Variants in MEI4 observed in about 807,000 individuals in gnomAD.
MEI4 encodes meiotic double-stranded break formation protein 4.
Under a neutral mutation model 31.4 loss-of-function variants are expected in MEI4, and 27 were observed. That is an observed-to-expected ratio of 0.86 (90% CI 0.63 to 1.19). MEI4 has a LOEUF of 1.19. MEI4 is among the 50% of genes most tolerant of loss of function. MEI4 has a pLI of 0.00. For missense variants in MEI4, 329 were observed against 398.9 expected (o/e 0.82, Z 1.49); for synonymous variants, 122 against 145.4 (o/e 0.84, Z 1.16).
intron 3 of MEI4, among the ~76,000 whole-genome samples, chr6:77,825,712 C>G (rs1194517758): frequency 6.6e-6 from 1 of 152,152 alleles, no homozygotes; most frequent in East Asian, 1.9e-4. Flanking sequence ...ATATATGTCT[C>G]TATTGCATTT....
At chr6:77,804,161 C>T (rs952903708) in intron 3 of MEI4, among the ~76,000 whole-genome samples, 10 of 152,186 alleles carry the variant, frequency 6.6e-5, no homozygotes, top group Non-Finnish European at 1.5e-4. Context: ...CTACTCAAGC[C>T]TCAGCAATGG....
At chr6:77,773,020 A>G (rs1377480773) in intron 3 of MEI4, among the ~76,000 whole-genome samples, 1 of 152,028 alleles carries the variant, frequency 6.6e-6, no homozygotes, top group East Asian at 1.9e-4. Flanking sequence ...ACTGTAAAAC[A>G]CTGATGAAAG....
chr6:77,803,605 A>T (rs1769339317), intron 3 of MEI4, among the ~76,000 whole-genome samples: 1 of 151,992 alleles, frequency 6.6e-6, no homozygotes, highest in Non-Finnish European at 1.5e-5. Flanking sequence ...TTGTGGTTTT[A>T]TCTACCTTTG....
intron 3 of MEI4, among the ~76,000 whole-genome samples, chr6:77,768,968 A>T (rs934203495): frequency 6.6e-6 from 1 of 152,116 alleles, no homozygotes; most frequent in African/African-American, 2.4e-5. Flanking sequence ...GAATTGCTGT[A>T]CCCCCTTTGC....
chr6:77,725,214 CTGAGA>C (rs1328063669), intron 2 of MEI4, among the ~76,000 whole-genome samples: 4 of 77,434 alleles, frequency 5.2e-5, no homozygotes, highest in African/African-American at 2.0e-4. Context: ...TTTAATAAAG[CTGAGA>C]TAAGAGGCAT....
intron 3 of MEI4, among the ~76,000 whole-genome samples, chr6:77,804,296 G>A (rs187385526): frequency 1.4e-4 from 22 of 152,280 alleles, no homozygotes; most frequent in Non-Finnish European, 2.1e-4. Flanking sequence ...TGCTAAGACC[G>A]TTGGAAGAGC....
At chr6:77,669,476 A>G (rs1355177718) in intron 1 of MEI4, among the ~76,000 whole-genome samples, 1 of 152,210 alleles carries the variant, frequency 6.6e-6, no homozygotes, top group African/African-American at 2.4e-5. Context: ...TGAAATGATT[A>G]GGCTAAGAAG....
chr6:77,760,999 T>G (rs1768029517), intron 2 of MEI4, 131 bp from the exon 3 acceptor site: 1 of 602,794 alleles, frequency 1.7e-6, no homozygotes, highest in South Asian at 9.0e-5. Context: ...GTTTTTACAC[T>G]ACTGCTTGTT....
At chr6:77,681,954 A>G (rs747211902) in intron 1 of MEI4, among the ~76,000 whole-genome samples, 1 of 152,330 alleles carries the variant, frequency 6.6e-6, no homozygotes, top group East Asian at 1.9e-4. Context: ...TTCATATGAC[A>G]TTAATTTATA....
At chr6:77,864,027 T>C (rs1468035708) in intron 4 of MEI4, among the ~76,000 whole-genome samples, 6 of 152,126 alleles carry the variant, frequency 3.9e-5, no homozygotes, top group Non-Finnish European at 7.3e-5. Flanking sequence ...GACAAGCAAA[T>C]GCTGAGAGAT....
At chr6:77,731,150 G>A (rs543387996) in intron 2 of MEI4, among the ~76,000 whole-genome samples, 1 of 151,818 alleles carries the variant, frequency 6.6e-6, no homozygotes, top group South Asian at 2.1e-4. Context: ...CCCAGTAATG[G>A]GATGGCTGGG....
chr6:77,784,778 A>G (rs773121808), intron 3 of MEI4, among the ~76,000 whole-genome samples: 8 of 152,168 alleles, frequency 5.3e-5, no homozygotes, highest in Non-Finnish European at 4.4e-5. Context: ...ACCATATTTG[A>G]TGGAATAATT....
chr6:77,742,974 A>G (rs1767460669), intron 2 of MEI4, among the ~76,000 whole-genome samples: 1 of 151,920 alleles, frequency 6.6e-6, no homozygotes, highest in Non-Finnish European at 1.5e-5. Flanking sequence ...TGTTCCATTG[A>G]TCTATATCTC....
At chr6:77,860,592 A>G (rs1260879389) in intron 4 of MEI4, among the ~76,000 whole-genome samples, 2 of 152,186 alleles carry the variant, frequency 1.3e-5, no homozygotes, top group East Asian at 1.9e-4. Context: ...AGTATTTTAT[A>G]TCAAACCACT....
At chr6:77,846,137 G>C (rs919870644) in intron 4 of MEI4, among the ~76,000 whole-genome samples, 2 of 151,444 alleles carry the variant, frequency 1.3e-5, no homozygotes, top group Non-Finnish European at 2.9e-5. Context: ...TTTTGAGATG[G>C]AGTCTTGCTG....
chr6:77,832,209 T>C (rs1338159640), intron 4 of MEI4, among the ~76,000 whole-genome samples: 1 of 152,056 alleles, frequency 6.6e-6, no homozygotes, highest in East Asian at 1.9e-4. Flanking sequence ...ACTCAGTGTT[T>C]TAGCTCACTT....
chr6:77,923,321 C>T lies in MEI4; in HGVS notation c.1133C>T (p.Ala378Val), dbSNP rs1195866931. The change falls in exon 5 of 5, where the codon GCA becomes GTA. Residue 378 changes from alanine to valine, a missense_variant. Coordinates refer to ENST00000684080, the MANE Select transcript of MEI4 (RefSeq NM_001322247.2). ...LWRVGILLSSAQIETLRK is the reference protein window; with the variant it reads ...LWRVGILLSSVQIETLRK ...AGAGTGGGCATTCTTTTGAGCTCAG[C>T]ACAGATAGAAACTCTTAGAAAATAA... 3 of 1,229,726 alleles carry T rather than the reference C, an allele frequency of 2.4e-6. No homozygotes were observed. The highest frequency in any genetic ancestry group is 3.0e-6 in the Non-Finnish European group (3 of 986,436). The allele number at this position is 1,229,726 out of a possible 1,614,324, so 76.2% of individuals were successfully genotyped here. A position where few individuals can be genotyped will look rare whatever the true frequency, so the allele number is the denominator to read the frequency against.
chr6:77,673,837 T>C (rs1768791445), intron 1 of MEI4, among the ~76,000 whole-genome samples: 1 of 152,170 alleles, frequency 6.6e-6, no homozygotes, highest in Admixed American at 6.5e-5. Context: ...CTGATAAGAA[T>C]TGTATGAATA....
chr6:77,748,606 G>T (rs1211801200), intron 2 of MEI4, among the ~76,000 whole-genome samples: 1 of 152,218 alleles, frequency 6.6e-6, no homozygotes, highest in Non-Finnish European at 1.5e-5. Context: ...TCTGACATCC[G>T]TGGAGACATT....
Sources: gnomAD v4.1 joint callset for allele counts (sites outside exome capture counted in the v4.1 genomes callset) on GRCh38, gnomAD v4.1.1 for gene constraint, MANE v1.5 for transcripts, NCBI Gene and HGNC (gene_info 2026-07-23, HGNC 2026-07-21) for gene names.